The following BRD10 variants were observed in gnomAD, a reference collection of about 807,000 sequenced individuals.
The protein encoded by BRD10 is uncharacterized bromodomain-containing protein 10.
chr9:5,919,952 G>C, the BRD10 span: 4 of 1,613,864 alleles, frequency 2.5e-6, no homozygotes, highest in Middle Eastern at 1.6e-4. Flanking sequence ...AGATGTCTTA[G>C]CCAAAAGAGT....
At chr9:6,004,153 C>G in the BRD10 span, among the ~76,000 whole-genome samples, 161 of 152,310 alleles carry the variant, frequency 1.1e-3, no homozygotes, top group Non-Finnish European at 1.9e-3. Context: ...CTTTCTCTTC[C>G]TTACCTCGTC....
chr9:5,937,489 C>T, the BRD10 span, among the ~76,000 whole-genome samples: 1 of 152,076 alleles, frequency 6.6e-6, no homozygotes, highest in Non-Finnish European at 1.5e-5. Context: ...GAGCCGAGAT[C>T]ATGCCACTGC....
chr9:5,940,036 G>C, the BRD10 span, among the ~76,000 whole-genome samples: 1 of 152,064 alleles, frequency 6.6e-6, no homozygotes, highest in Non-Finnish European at 1.5e-5. Flanking sequence ...CCTTTGGTTA[G>C]GTAAGAGAAG....
the BRD10 span, chr9:5,921,775 T>C: frequency 1.2e-6 from 2 of 1,613,978 alleles, no homozygotes; most frequent in Middle Eastern, 1.6e-4. Flanking sequence ...TTGTTGATGG[T>C]AGTAGAGTAC....
chr9:5,975,252 A>T, the BRD10 span, among the ~76,000 whole-genome samples: 85 of 151,398 alleles, frequency 5.6e-4, no homozygotes, highest in African/African-American at 1.9e-3. Context: ...CCTGACCAAC[A>T]TGGTGAAACT....
the BRD10 span, chr9:5,910,042 A>C: frequency 6.6e-6 from 1 of 152,194 alleles, no homozygotes; most frequent in African/African-American, 2.4e-5. Flanking sequence ...TAATTTTTTT[A>C]ACCTAAGAAA....
At chr9:5,916,402 A>G in the BRD10 span, among the ~76,000 whole-genome samples, 30 of 152,122 alleles carry the variant, frequency 2.0e-4, no homozygotes, top group Non-Finnish European at 4.1e-4. Flanking sequence ...TCATAAAACT[A>G]TTTCAATTAA....
chr9:5,922,436 A>G, the BRD10 span: 4 of 1,614,028 alleles, frequency 2.5e-6, no homozygotes, highest in Non-Finnish European at 3.4e-6. Flanking sequence ...TACAGGCGAC[A>G]AAGGCTGTGG....
chr9:5,959,352 A>G, the BRD10 span, among the ~76,000 whole-genome samples: 2 of 152,132 alleles, frequency 1.3e-5, no homozygotes, highest in Admixed American at 6.6e-5. Flanking sequence ...TAGCTGTGTG[A>G]CTTTGGACAA....
At chr9:5,988,638 T>C in the BRD10 span, 3 of 861,544 alleles carry the variant, frequency 3.5e-6, no homozygotes, top group Non-Finnish European at 3.7e-6. Flanking sequence ...TTTTGCTAAA[T>C]ACATAAAAGT....
At chr9:5,978,231 C>T in the BRD10 span, among the ~76,000 whole-genome samples, 1 of 151,740 alleles carries the variant, frequency 6.6e-6, no homozygotes, top group East Asian at 1.9e-4. Flanking sequence ...TAGCCATGCA[C>T]GATTTGGCAA....
At chr9:5,920,105 G>A in the BRD10 span, 1 of 1,613,778 alleles carries the variant, frequency 6.2e-7, no homozygotes, top group African/African-American at 1.3e-5. Context: ...TATAAATTTT[G>A]TAGGGCTTCT....
At chr9:5,920,270 T>G in the BRD10 span, 2 of 1,613,988 alleles carry the variant, frequency 1.2e-6, no homozygotes, top group African/African-American at 1.3e-5. Flanking sequence ...AAGGAGAACA[T>G]GGCTGCCAGC....
At chr9:5,969,034 C>T in the BRD10 span, 22 of 1,611,926 alleles carry the variant, frequency 1.4e-5, no homozygotes, top group Non-Finnish European at 1.7e-5. Flanking sequence ...ACTGAGGACA[C>T]AACCCCAGTT....
chr9:5,919,867 G>C, the BRD10 span: 1 of 1,613,762 alleles, frequency 6.2e-7, no homozygotes, highest in African/African-American at 1.3e-5. Flanking sequence ...ACAATTTTTT[G>C]ACAGGTGGGT....
the BRD10 span, among the ~76,000 whole-genome samples, chr9:5,955,326 C>T: frequency 2.6e-5 from 4 of 152,254 alleles, no homozygotes; most frequent in East Asian, 5.8e-4. Context: ...TTCAGCAATA[C>T]TTTTCTGTCA....
At chr9:5,892,758 G>A in the BRD10 span, among the ~76,000 whole-genome samples, 1 of 152,180 alleles carries the variant, frequency 6.6e-6, no homozygotes, top group Non-Finnish European at 1.5e-5. Flanking sequence ...CAGGAAGATG[G>A]GAATGGTATA....
the BRD10 span, among the ~76,000 whole-genome samples, chr9:5,931,537 A>T: frequency 1.4e-4 from 21 of 152,276 alleles, no homozygotes; most frequent in African/African-American, 5.1e-4. Context: ...TCTTTCATAC[A>T]ACTTACCCAC....
At chr9:6,001,246 T>C in the BRD10 span, among the ~76,000 whole-genome samples, 1 of 152,154 alleles carries the variant, frequency 6.6e-6, no homozygotes, top group African/African-American at 2.4e-5. Flanking sequence ...TTTTAATTGG[T>C]TTTCTTCCCT....
Sources: gnomAD v4.1 joint callset for allele counts (sites outside exome capture counted in the v4.1 genomes callset) on GRCh38, gnomAD v4.1.1 for gene constraint, MANE v1.5 for transcripts, NCBI Gene and HGNC (gene_info 2026-07-23, HGNC 2026-07-21) for gene names.